Variants in PHTF2 observed in about 807,000 individuals in gnomAD.
The protein encoded by PHTF2 is putative homeodomain transcription factor 2, also known as protein PHTF2.
PHTF2 carries 60 observed loss-of-function variants against 101.2 expected under a neutral mutation model. The ratio of observed to expected loss-of-function variants is 0.59; its 90% CI spans 0.48 to 0.73. PHTF2 has a LOEUF of 0.73. PHTF2 is among the 30% of genes least tolerant of loss of function. The probability of loss-of-function intolerance (pLI) is 0.00; values close to 1 mark genes in which losing one functional copy is unlikely to be tolerated. For synonymous variants in PHTF2, 311 were observed against 307.3 expected, an observed-to-expected ratio of 1.01 and a Z score of -0.13; for missense variants, 747 against 908.7, an observed-to-expected ratio of 0.82 and a Z score of 2.29.
chr7:77,872,607 A>G (rs1363647301), intron 3 of PHTF2, among the ~76,000 whole-genome samples: 2 of 152,130 alleles, frequency 1.3e-5, no homozygotes, highest in Non-Finnish European at 1.5e-5. Flanking sequence ...TCCCATTGTA[A>G]TTTAAATTTT....
chr7:77,894,883 T>A (rs17159261), intron 5 of PHTF2, among the ~76,000 whole-genome samples: 1,769 of 152,166 alleles, frequency 0.012, 42 homozygotes, highest in African/African-American at 0.04. Context: ...GAGTTTGATT[T>A]GATAATAGGT....
At chr7:77,949,159 C>A (rs1354528733) in intron 16 of PHTF2, among the ~76,000 whole-genome samples, 1 of 151,760 alleles carries the variant, frequency 6.6e-6, no homozygotes, top group Non-Finnish European at 1.5e-5. Context: ...CATGAATCAA[C>A]CTTGAAAACA....
At chr7:77,942,628 T>A in intron 15 of PHTF2, 72 bp from the exon 15 acceptor site, 1 of 821,426 alleles carries the variant, frequency 1.2e-6, no homozygotes, top group South Asian at 1.8e-5. Flanking sequence ...ATTGAAACCA[T>A]GGAAATTATC....
chr7:77,859,967 G>C (rs960023116), intron 3 of PHTF2, among the ~76,000 whole-genome samples: 1 of 152,044 alleles, frequency 6.6e-6, no homozygotes, highest in Non-Finnish European at 1.5e-5. Flanking sequence ...AGATATTTGG[G>C]TTGTTTAACC....
At chr7:77,834,740 C>T (rs1424644527) in intron 1 of PHTF2, among the ~76,000 whole-genome samples, 3 of 152,178 alleles carry the variant, frequency 2.0e-5, no homozygotes, top group African/African-American at 7.2e-5. Flanking sequence ...GGATCTAGAA[C>T]CCAATTATCT....
chr7:77,927,038 G>C (rs1055565563), intron 11 of PHTF2, among the ~76,000 whole-genome samples: 2 of 150,252 alleles, frequency 1.3e-5, no homozygotes, highest in Non-Finnish European at 3.0e-5. Flanking sequence ...GGCTCCTGTA[G>C]TCCTAGCTAC....
intron 1 of PHTF2, among the ~76,000 whole-genome samples, chr7:77,804,373 G>T (rs528386478): frequency 1.0e-3 from 155 of 152,174 alleles, no homozygotes; most frequent in African/African-American, 3.5e-3. Flanking sequence ...TTGCCCAGGC[G>T]GGAGTGCAGT....
chr7:77,927,424 C>T (rs1271784455), intron 11 of PHTF2, among the ~76,000 whole-genome samples: 1 of 151,820 alleles, frequency 6.6e-6, no homozygotes, highest in South Asian at 2.1e-4. Context: ...GGTGAAACCC[C>T]ATCTCTACTA....
At chr7:77,847,027 C>G (rs915064725) in intron 2 of PHTF2, among the ~76,000 whole-genome samples, 10 of 152,120 alleles carry the variant, frequency 6.6e-5, no homozygotes, top group Admixed American at 5.9e-4. Flanking sequence ...AAAACTTGAG[C>G]TTTTTAGGAC....
At chr7:77,849,241 A>T (rs1478412493) in intron 2 of PHTF2, among the ~76,000 whole-genome samples, 2 of 152,026 alleles carry the variant, frequency 1.3e-5, no homozygotes, top group African/African-American at 2.4e-5. Context: ...CTCCTGCCTC[A>T]GCCTCCAGAG....
chr7:77,846,617 C>G (rs1347139617), intron 2 of PHTF2, among the ~76,000 whole-genome samples: 2 of 127,124 alleles, frequency 1.6e-5, no homozygotes, highest in African/African-American at 2.9e-5. Flanking sequence ...CCCTCCCTTC[C>G]CCTTCCCTCC....
intron 1 of PHTF2, among the ~76,000 whole-genome samples, chr7:77,828,694 G>A (rs986351213): frequency 2.0e-5 from 3 of 151,904 alleles, no homozygotes; most frequent in African/African-American, 7.3e-5. Flanking sequence ...TATATGTTTG[G>A]TACTATCTGC....
intron 1 of PHTF2, among the ~76,000 whole-genome samples, chr7:77,831,061 A>G (rs1320015927): frequency 6.6e-6 from 1 of 152,244 alleles, no homozygotes; most frequent in East Asian, 1.9e-4. Context: ...AAACACCAAG[A>G]GTCCCACTTA....
At chr7:77,932,347 G>A (rs1804643319) in intron 12 of PHTF2, among the ~76,000 whole-genome samples, 1 of 152,102 alleles carries the variant, frequency 6.6e-6, no homozygotes, top group African/African-American at 2.4e-5. Flanking sequence ...GCATTTGACA[G>A]GAAGAGGAAA....
At chr7:77,927,134 G>C (rs371442860) in intron 11 of PHTF2, among the ~76,000 whole-genome samples, 1 of 125,796 alleles carries the variant, frequency 7.9e-6, no homozygotes, top group Non-Finnish European at 1.6e-5. Context: ...CTCCAGCCTG[G>C]GTGACAGAGT....
intron 2 of PHTF2, among the ~76,000 whole-genome samples, chr7:77,853,254 C>A (rs1306140476): frequency 6.6e-6 from 1 of 151,994 alleles, no homozygotes; most frequent in Non-Finnish European, 1.5e-5. Flanking sequence ...ATGCTTCATT[C>A]TTTTTTATTC....
At chr7:77,923,923 G>A (rs1244302336) in intron 11 of PHTF2, 1 of 967,076 alleles carries the variant, frequency 1.0e-6, no homozygotes, top group Non-Finnish European at 1.2e-6. Flanking sequence ...AAATTAAAAG[G>A]TTGTTTAAAA....
chr7:77,829,195 A>C (rs548162770), intron 1 of PHTF2, among the ~76,000 whole-genome samples: 32 of 152,238 alleles, frequency 2.1e-4, no homozygotes, highest in African/African-American at 7.5e-4. Flanking sequence ...CAAAGAGATT[A>C]TAGCTATAGG....
At chr7:77,811,601 C>G (rs1261339637) in intron 1 of PHTF2, among the ~76,000 whole-genome samples, 1 of 152,186 alleles carries the variant, frequency 6.6e-6, no homozygotes, top group African/African-American at 2.4e-5. Flanking sequence ...CTTACTTATT[C>G]ATATCAGTAT....
Sources: allele counts gnomAD v4.1 joint callset (sites outside exome capture counted in the v4.1 genomes callset), GRCh38; gene constraint gnomAD v4.1.1; transcripts MANE v1.5; gene names NCBI Gene and HGNC (gene_info 2026-07-23, HGNC 2026-07-21).